The following DLGAP2 variants were observed in gnomAD, a reference collection of about 807,000 sequenced individuals.
The protein encoded by DLGAP2 is disks large-associated protein 2.
Under a neutral mutation model 100.3 loss-of-function variants are expected in DLGAP2, and 26 were observed. That is an observed-to-expected ratio of 0.26 (90% CI 0.19 to 0.36). DLGAP2 has a LOEUF of 0.36. DLGAP2 is among the 10% of genes least tolerant of loss of function. The probability of loss-of-function intolerance (pLI) is 1.00; values close to 1 mark genes in which losing one functional copy is unlikely to be tolerated. For synonymous variants in DLGAP2, 886 were observed against 630.1 expected, an observed-to-expected ratio of 1.41 and a Z score of -6.08; for missense variants, 1,858 against 1,453.2, an observed-to-expected ratio of 1.28 and a Z score of -4.53.
intron 3 of DLGAP2, among the ~76,000 whole-genome samples, chr8:1,444,535 AAG>A (rs1170345513): frequency 6.6e-6 from 1 of 152,038 alleles, no homozygotes; most frequent in Non-Finnish European, 1.5e-5. Flanking sequence ...TTAAGAGAGA[AAG>A]AGACAGTGTG....
intron 5 of DLGAP2, among the ~76,000 whole-genome samples, chr8:1,553,377 T>C (rs911777761): frequency 5.3e-5 from 8 of 152,190 alleles, no homozygotes; most frequent in African/African-American, 1.9e-4. Flanking sequence ...GGACTCCCAG[T>C]TTTATTCGGC....
intron 3 of DLGAP2, among the ~76,000 whole-genome samples, chr8:1,281,109 G>C (rs1799805344): frequency 6.6e-6 from 1 of 152,168 alleles, no homozygotes; most frequent in South Asian, 2.1e-4. Context: ...TGTATGCCAA[G>C]TTCTTATAGT....
rs555075902 is a variant in DLGAP2, at chr8:1,479,086, C to T, written c.107-22280C>T. 5.3e-5 allele frequency among the ~76,000 whole-genome samples: 8 copies of T among 152,364 alleles called. No homozygotes were observed. In the South Asian group the frequency reaches 1.7e-3, roughly 32 times the overall value. The stretch of plus-strand genomic sequence containing the variant: ...GCACCAGCTGAGAGCACAAAGGCCT[C>T]TGAGGGTGGAGCAGGGTGAGCCCAG... On this transcript the variant is annotated intron_variant, in intron 3 of 14. Transcript: ENST00000637795.
At chr8:1,253,845 G>A (rs901666701) in intron 2 of DLGAP2, among the ~76,000 whole-genome samples, 6 of 152,230 alleles carry the variant, frequency 3.9e-5, no homozygotes, top group African/African-American at 9.6e-5. Context: ...CCTTGGGGAA[G>A]AATTCATTGA....
At chr8:1,535,270 A>G (rs537008376) in intron 4 of DLGAP2, among the ~76,000 whole-genome samples, 3 of 152,350 alleles carry the variant, frequency 2.0e-5, no homozygotes, top group South Asian at 2.1e-4. Flanking sequence ...TGAGCCTGGC[A>G]GCTGAATTGT....
chr8:1,364,778 A>C (rs1361803355), intron 3 of DLGAP2, among the ~76,000 whole-genome samples: 4 of 152,250 alleles, frequency 2.6e-5, no homozygotes. Flanking sequence ...AGGGCTTCTC[A>C]GAGCTGGAGA....
chr8:1,283,080 C>G (rs1799851166), intron 3 of DLGAP2, among the ~76,000 whole-genome samples: 1 of 148,058 alleles, frequency 6.8e-6, no homozygotes, highest in Non-Finnish European at 1.5e-5. Flanking sequence ...CGTGAAGCAT[C>G]CAGACGTGGT....
intron 2 of DLGAP2, among the ~76,000 whole-genome samples, chr8:1,138,706 C>A (rs62486835): frequency 2.0e-5 from 3 of 152,248 alleles, no homozygotes; most frequent in Non-Finnish European, 2.9e-5. Context: ...CAGTCTGCAG[C>A]GGTGCCTTCT....
intron 2 of DLGAP2, among the ~76,000 whole-genome samples, chr8:948,335 G>A (rs1437901098): frequency 6.6e-6 from 1 of 152,232 alleles, no homozygotes; most frequent in Admixed American, 6.5e-5. Context: ...CGGGCGTGAG[G>A]TCCGTGCAGA....
chr8:1,199,459 A>T (rs1330697539), intron 2 of DLGAP2, among the ~76,000 whole-genome samples: 1 of 152,194 alleles, frequency 6.6e-6, no homozygotes, highest in East Asian at 1.9e-4. Context: ...GGATAAAAGT[A>T]GGGTAGGAGG....
At chr8:1,027,836 C>T (rs1281774737) in intron 2 of DLGAP2, among the ~76,000 whole-genome samples, 4 of 115,188 alleles carry the variant, frequency 3.5e-5, no homozygotes, top group Non-Finnish European at 7.1e-5. Flanking sequence ...GGGTGTCAGG[C>T]GCCCGTTATT....
intron 8 of DLGAP2, among the ~76,000 whole-genome samples, chr8:1,659,863 G>A (rs1388407338): frequency 6.6e-6 from 1 of 152,142 alleles, no homozygotes; most frequent in Non-Finnish European, 1.5e-5. Context: ...ATATTGTTAT[G>A]TGTGAATTAG....
chr8:801,388 GT>G (rs536983626), intron 1 of DLGAP2, among the ~76,000 whole-genome samples: 72 of 152,238 alleles, frequency 4.7e-4, no homozygotes, highest in African/African-American at 1.7e-3. Context: ...GGAAGATTGG[GT>G]TTGCATAAGG....
intron 6 of DLGAP2, among the ~76,000 whole-genome samples, chr8:1,568,322 C>T (rs1584936273): frequency 1.2e-5 from 1 of 82,998 alleles, no homozygotes; most frequent in African/African-American, 5.6e-5. Flanking sequence ...ACTGTCCACT[C>T]AGCAGACACA....
intron 1 of DLGAP2, among the ~76,000 whole-genome samples, chr8:798,473 T>C (rs1217004458): frequency 7.1e-6 from 1 of 141,686 alleles, no homozygotes; most frequent in African/African-American, 2.7e-5. Context: ...GACCAGGTGA[T>C]GGGTGCCTGC....
chr8:1,497,515 T>C (rs762631633), intron 3 of DLGAP2, among the ~76,000 whole-genome samples: 6 of 152,210 alleles, frequency 3.9e-5, no homozygotes, highest in African/African-American at 7.2e-5. Context: ...TCCTCCCTTA[T>C]ACGAGGAGGC....
At chr8:1,447,793 C>G (rs1798022919) in intron 3 of DLGAP2, among the ~76,000 whole-genome samples, 1 of 152,206 alleles carries the variant, frequency 6.6e-6, no homozygotes. Flanking sequence ...AGAGAGTCAA[C>G]TTCTTCCTGG....
chr8:1,119,757 A>G (rs1206523193), intron 2 of DLGAP2, among the ~76,000 whole-genome samples: 1 of 152,222 alleles, frequency 6.6e-6, no homozygotes, highest in Non-Finnish European at 1.5e-5. Context: ...TTGAAGTTGG[A>G]CCACAGCTGC....
intron 2 of DLGAP2, among the ~76,000 whole-genome samples, chr8:1,007,634 TTG>T (rs1491163928): frequency 1.3e-4 from 18 of 138,034 alleles, no homozygotes; most frequent in Non-Finnish European, 2.5e-4. Context: ...GTTTTTTTTT[TTG>T]GGGGGGGGAT....
Sources: gnomAD v4.1 joint callset for allele counts (sites outside exome capture counted in the v4.1 genomes callset) on GRCh38, gnomAD v4.1.1 for gene constraint, MANE v1.5 for transcripts, NCBI Gene and HGNC (gene_info 2026-07-23, HGNC 2026-07-21) for gene names.